FBXO38: variants seen among roughly 807,000 people sequenced by gnomAD.
The protein encoded by FBXO38 is F-box only protein 38.
Under a neutral mutation model 131.9 loss-of-function variants are expected in FBXO38, and 53 were observed. The ratio of observed to expected loss-of-function variants is 0.40; its 90% CI spans 0.32 to 0.51. The LOEUF (loss-of-function observed/expected upper bound fraction) is 0.51, where lower values mean the gene tolerates loss of function less well. FBXO38 is among the 20% of genes least tolerant of loss of function. The pLI is 0.53. For missense variants in FBXO38, 1,076 were observed against 1,475.6 expected, an observed-to-expected ratio of 0.73 and a Z score of 4.44; for synonymous variants, 452 against 505.6, an observed-to-expected ratio of 0.89 and a Z score of 1.42.
At chr5:148,409,331 T>G in intron 8 of FBXO38, 114 bp downstream of exon 8, 1 of 704,232 alleles carries the variant, frequency 1.4e-6, no homozygotes, top group Non-Finnish European at 2.5e-6. Context: ...TGATCAAGCC[T>G]TGTTCAAATT....
intron 3 of FBXO38, among the ~76,000 whole-genome samples, chr5:148,400,372 C>T (rs17720155): frequency 0.41 from 62,430 of 151,930 alleles, 14,931 homozygotes; most frequent in African/African-American, 0.66. Context: ...ACGGGATTAA[C>T]ACAGTATATA....
intron 19 of FBXO38, chr5:148,440,220 T>C: frequency 1.9e-6 from 1 of 519,762 alleles, no homozygotes; most frequent in Non-Finnish European, 3.5e-6. Context: ...GATATGATTT[T>C]GAAGATAGTG....
rs116740154 is a variant in FBXO38, at chr5:148,417,811, G to A, written c.1618+607G>A. 8.1e-3 allele frequency among the ~76,000 whole-genome samples: 1,236 copies of A among 152,300 alleles called. 19 individuals are homozygous for A. The highest frequency in any genetic ancestry group is 0.028 in the African/African-American group (1,183 of 41,556). On this transcript the variant is annotated intron_variant, in intron 12 of 21. Transcript: ENST00000340253. Reference sequence around the variant, plus strand: ...TCCTTCTGTTGATGAGTGAAGTGATGTGAGATTGTTTTGTTACCAAATTTT... The same window carrying A: ...TCCTTCTGTTGATGAGTGAAGTGATATGAGATTGTTTTGTTACCAAATTTT...
intron 1 of FBXO38, among the ~76,000 whole-genome samples, chr5:148,387,057 A>G (rs959951681): frequency 6.6e-6 from 1 of 152,200 alleles, no homozygotes; most frequent in African/African-American, 2.4e-5. Flanking sequence ...TTAGGACAAC[A>G]GTGAAGTTTG....
chr5:148,439,250 C>T (rs1754531198), intron 18 of FBXO38, among the ~76,000 whole-genome samples: 1 of 152,156 alleles, frequency 6.6e-6, no homozygotes, highest in Non-Finnish European at 1.5e-5. Flanking sequence ...CAAGAAAATG[C>T]ATTCTCTCTT....
In FBXO38 at chr5:148,441,023, C is replaced by A. The variant is rs1754654014; in HGVS notation, c.3275-101C>A. 3 of 798,886 alleles carry A rather than the reference C, an allele frequency of 3.8e-6. No individual in the cohort carries two copies. The East Asian group carries it at 7.4e-5, about 20-fold the overall frequency. 49.5% of individuals were successfully genotyped at this position (798,886 alleles called of 1,614,324 possible). Reference sequence around the variant, plus strand: ...AAATGATTTGAGGACACCTGACTCACTCTCTTTATTTTATATTTTACATTC... The same window carrying A: ...AAATGATTTGAGGACACCTGACTCAATCTCTTTATTTTATATTTTACATTC... On this transcript the variant is annotated intron_variant, in intron 20 of 21. Coordinates refer to ENST00000340253, the MANE Select transcript of FBXO38 (RefSeq NM_205836.3).
intron 9 of FBXO38, 147 bp from the exon 10 acceptor site, chr5:148,413,988 TA>T: frequency 1.6e-6 from 1 of 609,914 alleles, no homozygotes; most frequent in Non-Finnish European, 2.7e-6. Flanking sequence ...ATACCTAACC[TA>T]AAATTATACC....
intron 1 of FBXO38, among the ~76,000 whole-genome samples, chr5:148,394,336 C>T (rs934335274): frequency 2.0e-5 from 3 of 152,124 alleles, no homozygotes; most frequent in African/African-American, 7.2e-5. Context: ...ACCACAAGCT[C>T]CTGGAGCTGG....
intron 12 of FBXO38, among the ~76,000 whole-genome samples, chr5:148,422,792 A>G (rs1215744713): frequency 6.6e-6 from 1 of 152,224 alleles, no homozygotes; most frequent in Non-Finnish European, 1.5e-5. Flanking sequence ...ACTTCTTTTC[A>G]TGCCATTCCC....
rs7701939 is a variant in FBXO38 at position 148,387,939 on chromosome 5, C to T, written c.-64+3900C>T. On this transcript the variant is annotated intron_variant, in intron 1 of 21. Coordinates refer to ENST00000340253, the MANE Select transcript of FBXO38 (RefSeq NM_205836.3). Reference sequence around the variant, plus strand: ...GCTCCTGACCTTGTGATCTGCCTGCCTCGGCCTCCCAAAGTGCTGGGATTA... The same window carrying T: ...GCTCCTGACCTTGTGATCTGCCTGCTTCGGCCTCCCAAAGTGCTGGGATTA... Among the ~76,000 whole-genome samples, 566 of 152,212 alleles carry T rather than the reference C, an allele frequency of 3.7e-3. 1 individual carries two copies. The highest frequency in any genetic ancestry group is 6.4e-3 in the Non-Finnish European group (433 of 68,008).
chr5:148,437,899 T>A lies in FBXO38; in HGVS notation c.2858-433T>A, dbSNP rs149984943. ...AAGTATCCAAATGTGTTTCTGGGTC[T>A]TTTTTTTCAAGGTTCTACTTTTACG... On this transcript the variant is annotated intron_variant, in intron 17 of 21. Transcript: ENST00000340253. Among the ~76,000 whole-genome samples, 11 of 151,948 alleles carry A rather than the reference T, an allele frequency of 7.2e-5. No homozygotes were observed. The Middle Eastern group carries it at 0.01, about 141-fold the overall frequency.
chr5:148,415,966 G>A lies in FBXO38; in HGVS notation c.1303G>A (p.Val435Ile), dbSNP rs1393836086. 6.2e-7 allele frequency: 1 copy of A among 1,613,578 alleles called. No individual in the cohort carries two copies. The highest frequency in any genetic ancestry group is 1.7e-5 in the Admixed American group (1 of 59,996). ...GACTCGATTGGTTGATATCAACCTA[G>A]TACGGTGCCATGCTTTGAAGCTGGA... ...RWTRLVDINLVRCHALKLDSF... is the reference protein window; with the variant it reads ...RWTRLVDINLIRCHALKLDSF... Residue 435 changes from valine (V) to isoleucine (I), a missense_variant, in exon 11 of 22, where the codon GTA becomes ATA. Around this residue, in one of 8 missense-constraint regions of FBXO38, gnomAD observed 146 missense variants for 274.3 expected, o/e 0.53. Transcript: ENST00000340253.
intron 14 of FBXO38, 116 bp downstream of exon 14, chr5:148,425,817 G>A (rs1753684303): frequency 1.2e-6 from 1 of 841,078 alleles, no homozygotes. Flanking sequence ...GTGACAGGAA[G>A]CAAGAAATGC....
chr5:148,396,759 C>G (rs1164525466), intron 2 of FBXO38, among the ~76,000 whole-genome samples: 1 of 152,132 alleles, frequency 6.6e-6, no homozygotes, highest in Admixed American at 6.6e-5. Context: ...GCGCACACCA[C>G]TGCGCTTGGC....
chr5:148,430,441 CT>C (rs1753978455), intron 15 of FBXO38: 2 of 152,110 alleles, frequency 1.3e-5, no homozygotes. Flanking sequence ...CACCATTCTC[CT>C]GCCTTAGCCT....
At chr5:148,390,792 A>C (rs773960916) in intron 1 of FBXO38, among the ~76,000 whole-genome samples, 1 of 152,208 alleles carries the variant, frequency 6.6e-6, no homozygotes, top group Non-Finnish European at 1.5e-5. Context: ...ACTAAATCTA[A>C]TTCACACAAA....
intron 15 of FBXO38, 114 bp downstream of exon 15, chr5:148,428,061 G>C: frequency 8.7e-7 from 1 of 1,153,886 alleles, no homozygotes; most frequent in East Asian, 2.5e-5. Context: ...TTCTATTTTG[G>C]GGTTTTGTGG....
intron 12 of FBXO38, among the ~76,000 whole-genome samples, chr5:148,420,873 G>C (rs767024637): frequency 7.9e-5 from 12 of 151,928 alleles, no homozygotes; most frequent in African/African-American, 2.9e-4. Context: ...TGCCCAGGCG[G>C]TCTCAACTCC....
At chr5:148,425,724 A>G (rs776621070) in intron 14 of FBXO38, 23 bp downstream of exon 14, 3 of 1,602,486 alleles carry the variant, frequency 1.9e-6, no homozygotes, top group East Asian at 2.2e-5. Flanking sequence ...CTTTCTCTGA[A>G]CTATTAATGA....
Sources: gnomAD v4.1 joint callset for allele counts (sites outside exome capture counted in the v4.1 genomes callset) on GRCh38, gnomAD v4.1.1 for gene constraint, gnomAD v4.1.1 regional missense constraint, MANE v1.5 for transcripts, NCBI Gene and HGNC (gene_info 2026-07-23, HGNC 2026-07-21) for gene names.